The following GALNTL6 variants were observed in gnomAD, a reference collection of about 807,000 sequenced individuals.
GALNTL6 encodes the protein polypeptide N-acetylgalactosaminyltransferase like 6, also known as polypeptide N-acetylgalactosaminyltransferase-like 6.
Under a neutral mutation model 73.7 loss-of-function variants are expected in GALNTL6, and 46 were observed. That is an observed-to-expected ratio of 0.62 (90% CI 0.49 to 0.80). GALNTL6 has a LOEUF of 0.80. Among genes scored for constraint, GALNTL6 ranks in the 30% least tolerant of loss-of-function variants. The pLI, the probability that GALNTL6 is intolerant of heterozygous loss-of-function variation, is 0.00. For missense variants in GALNTL6, 604 were observed against 755.0 expected (o/e 0.80, Z 2.34); for synonymous variants, 259 against 263.7 (o/e 0.98, Z 0.17).
At chr4:172,030,430 G>A (rs1741731916) in intron 2 of GALNTL6, among the ~76,000 whole-genome samples, 1 of 152,030 alleles carries the variant, frequency 6.6e-6, no homozygotes, top group South Asian at 2.1e-4. Flanking sequence ...TATGGGGTAG[G>A]CCGGGCACAG....
chr4:172,607,049 G>C (rs1183904688), intron 5 of GALNTL6, among the ~76,000 whole-genome samples: 1 of 151,912 alleles, frequency 6.6e-6, no homozygotes. Context: ...AACGTCATGA[G>C]TAGATATTTG....
At chr4:172,875,704 T>G (rs1163417731) in intron 7 of GALNTL6, among the ~76,000 whole-genome samples, 6 of 148,904 alleles carry the variant, frequency 4.0e-5, no homozygotes, top group Non-Finnish European at 7.4e-5. Context: ...CCTCCATTGT[T>G]GTTAGATCCT....
chr4:171,841,561 A>G (rs1735239713), intron 2 of GALNTL6, among the ~76,000 whole-genome samples: 1 of 152,100 alleles, frequency 6.6e-6, no homozygotes, highest in African/African-American at 2.4e-5. Flanking sequence ...ATTTTTCTTC[A>G]TAAAATCCCA....
intron 2 of GALNTL6, among the ~76,000 whole-genome samples, chr4:172,082,576 T>G (rs1296791907): frequency 6.6e-6 from 1 of 151,998 alleles, no homozygotes; most frequent in Non-Finnish European, 1.5e-5. Flanking sequence ...CAATGAACAT[T>G]GAAAGTAAAC....
chr4:171,910,107 C>G (rs1737428181), intron 2 of GALNTL6, among the ~76,000 whole-genome samples: 2 of 152,068 alleles, frequency 1.3e-5, no homozygotes, highest in Admixed American at 1.3e-4. Flanking sequence ...TCTAGAAACA[C>G]TTAGCTAGCA....
chr4:173,020,109 AT>A (rs1456571539), intron 11 of GALNTL6, among the ~76,000 whole-genome samples: 1 of 152,204 alleles, frequency 6.6e-6, no homozygotes, highest in Non-Finnish European at 1.5e-5. Context: ...GGATTTTAGA[AT>A]TGGGAGCAAT....
At chr4:171,915,011 T>C (rs961768549) in intron 2 of GALNTL6, among the ~76,000 whole-genome samples, 1 of 152,070 alleles carries the variant, frequency 6.6e-6, no homozygotes. Flanking sequence ...CATGTATATA[T>C]ATAAAACTTA....
intron 2 of GALNTL6, among the ~76,000 whole-genome samples, chr4:171,846,617 C>T (rs1183065130): frequency 2.6e-5 from 4 of 151,580 alleles, no homozygotes; most frequent in Admixed American, 2.0e-4. Context: ...TCTACCAATA[C>T]TAGATGTATT....
chr4:172,869,447 G>A (rs1710803612), intron 7 of GALNTL6, among the ~76,000 whole-genome samples: 1 of 152,226 alleles, frequency 6.6e-6, no homozygotes, highest in South Asian at 2.1e-4. Flanking sequence ...AAGGAAAGGG[G>A]CCAAGAAGGG....
At chr4:172,647,288 A>G (rs911629928) in intron 5 of GALNTL6, among the ~76,000 whole-genome samples, 50 of 152,130 alleles carry the variant, frequency 3.3e-4, no homozygotes, top group African/African-American at 1.1e-3. Context: ...CTGGCTTTTC[A>G]ATATGTTCCC....
rs115991003 is a variant in GALNTL6, at chr4:172,645,582, A to G, written c.554-163779A>G. The stretch of plus-strand genomic sequence containing the variant: ...TTTTCTTTGTTCCCTATAGGAGCAA[A>G]GAAACATTTTCTATCTCATCACTAG... On this transcript the variant is annotated intron_variant, in intron 5 of 12. Coordinates refer to ENST00000506823, the MANE Select transcript of GALNTL6 (RefSeq NM_001034845.3). Among the ~76,000 whole-genome samples the G allele has an allele frequency of 4.6e-3, 698 of 151,946 alleles. 3 individuals are homozygous for G. Among genetic ancestry groups the G allele is most frequent in the African/African-American group, 0.016 (657 of 41,394 alleles).
intron 10 of GALNTL6, among the ~76,000 whole-genome samples, chr4:173,007,306 G>A (rs553112094): frequency 6.6e-6 from 1 of 151,974 alleles, no homozygotes. Context: ...TCATCAGTTG[G>A]GCCCATCCTG....
chr4:173,006,778 C>A (rs1486169966), intron 10 of GALNTL6, among the ~76,000 whole-genome samples: 1 of 152,160 alleles, frequency 6.6e-6, no homozygotes, highest in East Asian at 1.9e-4. Context: ...AATCTGGAGT[C>A]GATGGGTTCC....
intron 4 of GALNTL6, among the ~76,000 whole-genome samples, chr4:172,332,836 A>G (rs1343254542): frequency 1.3e-5 from 2 of 152,180 alleles, no homozygotes; most frequent in Non-Finnish European, 2.9e-5. Flanking sequence ...GTATTGTTAG[A>G]TCAAATGGTA....
chr4:172,685,102 G>T (rs1732841558), intron 5 of GALNTL6, among the ~76,000 whole-genome samples: 1 of 152,064 alleles, frequency 6.6e-6, no homozygotes, highest in African/African-American at 2.4e-5. Context: ...TTTCAGATAT[G>T]TAGAGGAAAA....
At chr4:172,327,432 T>A (rs1213715053) in intron 4 of GALNTL6, among the ~76,000 whole-genome samples, 6 of 152,064 alleles carry the variant, frequency 3.9e-5, no homozygotes, top group African/African-American at 1.4e-4. Context: ...CAGTGTTGAG[T>A]TCAGGTCCTG....
intron 5 of GALNTL6, among the ~76,000 whole-genome samples, chr4:172,647,074 G>A (rs1428458685): frequency 2.0e-5 from 3 of 151,948 alleles, no homozygotes; most frequent in African/African-American, 7.2e-5. Context: ...GGTTTCCTAG[G>A]TAGGGAAAAA....
chr4:172,922,497 A>C (rs546480022), intron 8 of GALNTL6, among the ~76,000 whole-genome samples: 1 of 151,920 alleles, frequency 6.6e-6, no homozygotes, highest in African/African-American at 2.4e-5. Flanking sequence ...AAATGTGCAT[A>C]GTTATTGGCA....
chr4:172,399,713 C>T (rs905339223), intron 5 of GALNTL6, among the ~76,000 whole-genome samples: 12 of 151,980 alleles, frequency 7.9e-5, no homozygotes, highest in South Asian at 4.1e-4. Flanking sequence ...TCCTGCTTTA[C>T]GTACTGTGCA....
Sources: gnomAD v4.1 joint callset for allele counts (sites outside exome capture counted in the v4.1 genomes callset) on GRCh38, gnomAD v4.1.1 for gene constraint, MANE v1.5 for transcripts, NCBI Gene and HGNC (gene_info 2026-07-23, HGNC 2026-07-21) for gene names.